The following YY1 variants were observed in gnomAD, a reference collection of about 807,000 sequenced individuals.
YY1 encodes transcriptional repressor protein YY1.
Under a neutral mutation model 35.6 loss-of-function variants are expected in YY1, and 2 were observed. That is an observed-to-expected ratio of 0.06 (90% CI 0.02 to 0.18). The LOEUF (loss-of-function observed/expected upper bound fraction) is 0.18, where lower values mean the gene tolerates loss of function less well. YY1 is among the 10% of genes least tolerant of loss of function. The probability of loss-of-function intolerance (pLI) is 1.00; values close to 1 mark genes in which losing one functional copy is unlikely to be tolerated. For missense variants in YY1, 322 were observed against 573.4 expected (o/e 0.56, Z 4.48); for synonymous variants, 268 against 238.9 (o/e 1.12, Z -1.12).
chr14:100,257,118 C>T (rs1168001876), intron 1 of YY1, among the ~76,000 whole-genome samples: 4 of 152,132 alleles, frequency 2.6e-5, no homozygotes, highest in Non-Finnish European at 5.9e-5. Flanking sequence ...AGCTAGTTGT[C>T]TCCCTACCTG....
chr14:100,243,854 C>T (rs1385191637), intron 1 of YY1, among the ~76,000 whole-genome samples: 1 of 151,894 alleles, frequency 6.6e-6, no homozygotes, highest in Non-Finnish European at 1.5e-5. Context: ...GCCTGTAATC[C>T]CAGCACTTTG....
At chr14:100,246,649 A>G (rs1194550001) in intron 1 of YY1, among the ~76,000 whole-genome samples, 1 of 152,242 alleles carries the variant, frequency 6.6e-6, no homozygotes, top group Non-Finnish European at 1.5e-5. Flanking sequence ...CAGTAAATGC[A>G]AGGAAGTTGA....
intron 2 of YY1, among the ~76,000 whole-genome samples, chr14:100,263,403 A>T (rs1595327486): frequency 6.6e-6 from 1 of 152,214 alleles, no homozygotes. Context: ...TGGCTTGGAC[A>T]TGGCGAGCAG....
chr14:100,255,945 G>T (rs930414540), intron 1 of YY1, among the ~76,000 whole-genome samples: 3 of 152,014 alleles, frequency 2.0e-5, no homozygotes, highest in African/African-American at 7.3e-5. Context: ...TTCTTTTTCA[G>T]TAGATAATCT....
At position 100,239,295 on chromosome 14, in the gene YY1, G is replaced by T; in HGVS notation, c.51G>T (p.Pro17=). 1 of 1,599,042 alleles carries T rather than the reference G, an allele frequency of 6.3e-7. No homozygotes were observed. The highest frequency in any genetic ancestry group is 1.7e-5 in the Admixed American group (1 of 58,576). The change falls in exon 1 of 5, where the codon CCG becomes CCT. Residue 17 remains proline (P), a synonymous_variant. Coordinates refer to ENST00000262238, the MANE Select transcript of YY1 (RefSeq NM_003403.5). ...TCGCCACGGACGGCTCGGAGATGCC[G>T]GCCGAGATCGTGGAGCTGCACGAGA... ...LYIATDGSEM[P]AEIVELHEIE...
intron 1 of YY1, among the ~76,000 whole-genome samples, chr14:100,251,175 G>GA (rs1890919111): frequency 6.6e-6 from 1 of 152,200 alleles, no homozygotes; most frequent in Admixed American, 6.6e-5. Flanking sequence ...TTGGAATAGG[G>GA]AGAGTATCCT....
chr14:100,239,973 G>C (rs1482114992), intron 1 of YY1, 50 bp downstream of exon 1: 11 of 1,498,450 alleles, frequency 7.3e-6, no homozygotes, highest in South Asian at 1.3e-5. Context: ...GTTTTGAAGG[G>C]AAGCCATGTT....
intron 2 of YY1, among the ~76,000 whole-genome samples, chr14:100,268,066 T>A (rs74831666): frequency 0.011 from 1,628 of 152,350 alleles, 34 homozygotes; most frequent in African/African-American, 0.037. Flanking sequence ...ACATCTTCGC[T>A]AATTACGGCC....
At chr14:100,249,100 ATTTTTTTTTTTT>A (rs60088505) in intron 1 of YY1, among the ~76,000 whole-genome samples, 2,861 of 46,906 alleles carry the variant, frequency 0.061, 61 homozygotes, top group Non-Finnish European at 0.091. Flanking sequence ...TTCTCGTGTA[ATTTTTTTTTTTT>A]TTTTTTTTTT....
rs1891399667 is a variant in YY1, at chr14:100,280,425, C to A, written c.*2825C>A. 1 of 152,064 alleles carries A rather than the reference C, an allele frequency of 6.6e-6. No individual in the cohort carries two copies. The highest frequency in any genetic ancestry group is 1.5e-5 in the Non-Finnish European group (1 of 67,986). The allele number at this position is 152,064 out of a possible 1,614,324, so 9.4% of individuals were successfully genotyped here. A position where few individuals can be genotyped will look rare whatever the true frequency, so the allele number is the denominator to read the frequency against. ...GATGTTGTTTTCTATTTTTGAATTT[C>A]TTATTATTTCCCCCTTTTTGGTAGT... On this transcript the variant is annotated 3_prime_UTR_variant, in exon 5 of 5. Coordinates refer to ENST00000262238, the MANE Select transcript of YY1 (RefSeq NM_003403.5).
In YY1 at chr14:100,277,209, TA is replaced by T; in HGVS notation, c.1063-206del. On this transcript the variant is annotated intron_variant, in intron 4 of 4. Transcript: ENST00000262238. The surrounding 1 kb of genome is among the most constrained non-coding windows in gnomAD (Gnocchi z 5.6). ...AGACTTGCCATTTTGCCAAGTGTTT[TA>T]AACAGTTCGTGAGGGCTCTCCTTGG... 1 of 636,408 alleles carries T rather than the reference TA, an allele frequency of 1.6e-6. No homozygotes were observed. Among genetic ancestry groups the T allele is most frequent in the Non-Finnish European group, 2.8e-6 (1 of 361,098 alleles). The allele number at this position is 636,408 out of a possible 1,614,324, so 39.4% of individuals were successfully genotyped here. A position where few individuals can be genotyped will look rare whatever the true frequency, so the allele number is the denominator to read the frequency against.
intron 2 of YY1, among the ~76,000 whole-genome samples, chr14:100,263,251 T>C (rs1016224017): frequency 6.6e-6 from 1 of 152,240 alleles, no homozygotes; most frequent in Non-Finnish European, 1.5e-5. Flanking sequence ...TATTGGTCTA[T>C]GCTGCTGGAG....
At chr14:100,246,566 T>TA (rs1406538717) in intron 1 of YY1, among the ~76,000 whole-genome samples, 1 of 152,208 alleles carries the variant, frequency 6.6e-6, no homozygotes. Context: ...ATTATTCTGT[T>TA]ACACTGAATA....
At chr14:100,259,309 A>G (rs1175393886) in intron 1 of YY1, among the ~76,000 whole-genome samples, 2 of 152,194 alleles carry the variant, frequency 1.3e-5, no homozygotes, top group East Asian at 1.9e-4. Flanking sequence ...TCACGAGGTC[A>G]AGAGATCGAG....
intron 1 of YY1, among the ~76,000 whole-genome samples, chr14:100,261,759 CA>C (rs777222073): frequency 3.3e-5 from 5 of 152,138 alleles, no homozygotes; most frequent in Admixed American, 6.5e-5. Flanking sequence ...GGAGAGGTAG[CA>C]AGAGACTAGC....
intron 2 of YY1, among the ~76,000 whole-genome samples, chr14:100,271,833 G>C (rs778236167): frequency 6.6e-6 from 1 of 151,912 alleles, no homozygotes; most frequent in Non-Finnish European, 1.5e-5. Flanking sequence ...TTTTAGAGAC[G>C]GGGTGTTGCT....
chr14:100,281,060 C>CAAAAAAAAAAA lies in YY1; in HGVS notation c.*3460_*3461insAAAAAAAAAAA, dbSNP rs775439859. On this transcript the variant is annotated 3_prime_UTR_variant, in exon 5 of 5. Transcript: ENST00000262238. ...GGGTGACAGAGCAAGACTCCGTCTCCCAAAAAAAAAAAAAAAAAAAAAAAA... is the reference window on the plus strand; with the variant it reads ...GGGTGACAGAGCAAGACTCCGTCTCCAAAAAAAAAAACAAAAAAAAAAAAAAAAAAAAAAAA... 72 of 47,776 alleles carry CAAAAAAAAAAA rather than the reference C, an allele frequency of 1.5e-3. 25 individuals carry two copies. Among genetic ancestry groups the CAAAAAAAAAAA allele is most frequent in the African/African-American group, 7.1e-3 (70 of 9,898 alleles). The allele number at this position is 47,776 out of a possible 1,614,324, so 3.0% of individuals were successfully genotyped here. A position where few individuals can be genotyped will look rare whatever the true frequency, so the allele number is the denominator to read the frequency against.
At chr14:100,258,129 C>CAA (rs34289465) in intron 1 of YY1, among the ~76,000 whole-genome samples, 3 of 144,616 alleles carry the variant, frequency 2.1e-5, no homozygotes, top group African/African-American at 5.1e-5. Context: ...GAGACTGTGT[C>CAA]AAAAAAAAAA....
intron 1 of YY1, among the ~76,000 whole-genome samples, chr14:100,252,712 G>A (rs943205758): frequency 6.6e-6 from 1 of 152,162 alleles, no homozygotes; most frequent in African/African-American, 2.4e-5. Flanking sequence ...CTGGTAATTA[G>A]CAATTGTAAA....
Sources: gnomAD v4.1 joint callset for allele counts (sites outside exome capture counted in the v4.1 genomes callset) on GRCh38, gnomAD v4.1.1 for gene constraint, Gnocchi (gnomAD v3.1) non-coding constraint, MANE v1.5 for transcripts, NCBI Gene and HGNC (gene_info 2026-07-23, HGNC 2026-07-21) for gene names.